The following PIGL variants were observed in gnomAD, a reference collection of about 807,000 sequenced individuals.
PIGL encodes the protein phosphatidylinositol glycan anchor biosynthesis class L.
Under a neutral mutation model 31.1 loss-of-function variants are expected in PIGL, and 22 were observed. The observed-to-expected ratio is 0.71, with a 90% CI of 0.51 to 1.01. PIGL has a LOEUF of 1.01. Ranked by LOEUF, PIGL falls within the 50% of genes least tolerant of loss-of-function variation. The pLI is 0.00. For synonymous variants in PIGL, 131 were observed against 117.4 expected (o/e 1.12, Z -0.75); for missense variants, 302 against 315.9 (o/e 0.96, Z 0.33).
rs189572029 is a variant in PIGL at position 16,234,068 on chromosome 17, C to T, written c.333C>T (p.Asn111=). 10 of 1,498,514 alleles carry T rather than the reference C, an allele frequency of 6.7e-6. No individual in the cohort carries two copies. The highest frequency in any genetic ancestry group is 2.3e-5 in the East Asian group (1 of 44,342). 92.8% of individuals were successfully genotyped at this position (1,498,514 alleles called of 1,614,324 possible). A position where few individuals can be genotyped will look rare whatever the true frequency, so the allele number is the denominator to read the frequency against. Reference sequence around the variant, plus strand: ...TCTCCAGTGTAATGATTATTGACAACAGGTAATATATCTTTTAACAATGTA... The same window carrying T: ...TCTCCAGTGTAATGATTATTGACAATAGGTAATATATCTTTTAACAATGTA... ...IPLSSVMIID[N]RDFPDDPGMQ... is the part of the protein sequence containing the mutation. Residue 111 remains asparagine (N), a splice_region_variant and synonymous_variant, in exon 2 of 7, where the codon AAC becomes AAT. Transcript: ENST00000225609.
rs376776272 is a variant in PIGL at position 16,217,233 on chromosome 17, G to A, written c.7G>A (p.Ala3Thr). Residue 3 changes from alanine (A) to threonine (T), a missense_variant, in exon 1 of 7, where the codon GCA becomes ACA. Ala to Thr is a moderately conservative substitution (Grantham distance 58). Transcript: ENST00000225609. ...TCAGTGCTGCTTACCCATCATGGAAGCAATGTGGCTCCTGTGTGTGGCGTT... is the reference window on the plus strand; with the variant it reads ...TCAGTGCTGCTTACCCATCATGGAAACAATGTGGCTCCTGTGTGTGGCGTT... ME[A>T]MWLLCVALAV... 4 of 1,613,872 alleles carry A rather than the reference G, an allele frequency of 2.5e-6. No homozygotes were observed. In the African/African-American group the frequency reaches 5.3e-5, roughly 22 times the overall value.
chr17:16,323,997 C>A (rs1226947949), intron 6 of PIGL, among the ~76,000 whole-genome samples: 10 of 152,010 alleles, frequency 6.6e-5, no homozygotes, highest in Admixed American at 4.6e-4. Context: ...GCTCTTGTTG[C>A]CCAGGCTGGA....
intron 6 of PIGL, among the ~76,000 whole-genome samples, chr17:16,323,917 C>G (rs1314207668): frequency 6.6e-6 from 1 of 151,670 alleles, no homozygotes; most frequent in African/African-American, 2.4e-5. Flanking sequence ...GTGCCCTGCC[C>G]AAAGCTGATA....
chr17:16,317,785 G>A lies in PIGL; in HGVS notation c.537G>A (p.Val179=). The part of the protein sequence containing the change: ...SEGKLPKGCS[V]LTLQSVNVLR... ...CTCCTCTCCATCCAGGGTGCTCTGTGCTCACGCTTCAGTCTGTGAATGTGC... is the reference window on the plus strand; with the variant it reads ...CTCCTCTCCATCCAGGGTGCTCTGTACTCACGCTTCAGTCTGTGAATGTGC... The change falls in exon 6 of 7, where the codon GTG becomes GTA. Residue 179 remains valine (V), a synonymous_variant. Transcript: ENST00000225609. 2 of 1,614,002 alleles carry A rather than the reference G, an allele frequency of 1.2e-6. No homozygotes were observed. Among genetic ancestry groups the A allele is most frequent in the Non-Finnish European group, 1.7e-6 (2 of 1,180,032 alleles).
intron 6 of PIGL, among the ~76,000 whole-genome samples, chr17:16,318,638 T>G (rs1039546888): frequency 3.2e-4 from 49 of 152,114 alleles, no homozygotes; most frequent in South Asian, 1.2e-3. Flanking sequence ...AGTGCCTATT[T>G]AAAACCAGCT....
chr17:16,319,231 A>AG (rs2093092331), intron 6 of PIGL, among the ~76,000 whole-genome samples: 1 of 150,972 alleles, frequency 6.6e-6, no homozygotes, highest in Non-Finnish European at 1.5e-5. Flanking sequence ...GCCAAAAAAA[A>AG]AAAAAAAAAA....
At chr17:16,254,534 C>T (rs1456688938) in intron 2 of PIGL, among the ~76,000 whole-genome samples, 1 of 152,128 alleles carries the variant, frequency 6.6e-6, no homozygotes, top group Non-Finnish European at 1.5e-5. Context: ...TCCCAAAGTA[C>T]TGGGATTACA....
intron 1 of PIGL, among the ~76,000 whole-genome samples, chr17:16,232,457 G>T (rs914066725): frequency 5.3e-5 from 8 of 152,092 alleles, no homozygotes; most frequent in African/African-American, 1.9e-4. Context: ...GTGCCTACAG[G>T]TTCACCAAAC....
At chr17:16,243,774 G>C (rs1256331349) in intron 2 of PIGL, among the ~76,000 whole-genome samples, 1 of 152,122 alleles carries the variant, frequency 6.6e-6, no homozygotes, top group Non-Finnish European at 1.5e-5. Flanking sequence ...CATTAATATT[G>C]TAACCGCCCA....
intron 2 of PIGL, among the ~76,000 whole-genome samples, chr17:16,277,460 A>G (rs1568817334): frequency 6.6e-6 from 1 of 152,168 alleles, no homozygotes; most frequent in African/African-American, 2.4e-5. Context: ...TCAAAAGAAA[A>G]ATTTCCTTGG....
chr17:16,280,420 A>C (rs1260997941), intron 2 of PIGL, among the ~76,000 whole-genome samples: 1 of 152,152 alleles, frequency 6.6e-6, no homozygotes, highest in Non-Finnish European at 1.5e-5. Flanking sequence ...CTTCTAATTT[A>C]ACTTGCTGTT....
At chr17:16,230,559 T>G (rs1393597010) in intron 1 of PIGL, among the ~76,000 whole-genome samples, 1 of 152,172 alleles carries the variant, frequency 6.6e-6, no homozygotes, top group Non-Finnish European at 1.5e-5. Flanking sequence ...GGAAAAACAT[T>G]GCAGCTATTC....
At chr17:16,245,033 C>T (rs909348282) in intron 2 of PIGL, among the ~76,000 whole-genome samples, 5 of 151,692 alleles carry the variant, frequency 3.3e-5, no homozygotes, top group Admixed American at 6.6e-5. Flanking sequence ...GCTCTTGTTG[C>T]CCAGGCTGGA....
intron 3 of PIGL, among the ~76,000 whole-genome samples, chr17:16,312,215 C>T (rs1241104651): frequency 2.9e-4 from 43 of 149,890 alleles, no homozygotes; most frequent in African/African-American, 1.0e-3. Flanking sequence ...GGGCGGCTGC[C>T]GGGCGGAGGG....
chr17:16,299,793 T>G, intron 2 of PIGL, 95 bp from the exon 3 acceptor site: 1 of 846,870 alleles, frequency 1.2e-6, no homozygotes, highest in African/African-American at 1.7e-5. Context: ...ACCCCCAATG[T>G]AACTATCATA....
intron 1 of PIGL, among the ~76,000 whole-genome samples, chr17:16,220,209 G>A (rs1217075209): frequency 6.6e-6 from 1 of 151,902 alleles, no homozygotes; most frequent in Non-Finnish European, 1.5e-5. Context: ...TTAGCTGGCT[G>A]TGGTGGTCCA....
intron 2 of PIGL, among the ~76,000 whole-genome samples, chr17:16,286,591 C>T (rs2142806000): frequency 6.6e-6 from 1 of 152,280 alleles, no homozygotes; most frequent in Non-Finnish European, 1.5e-5. Context: ...TGGCTTGTTT[C>T]CTGAACATTA....
intron 1 of PIGL, 21 bp from the exon 2 acceptor site, chr17:16,233,950 C>T (rs1182337582): frequency 2.9e-6 from 4 of 1,370,160 alleles, no homozygotes; most frequent in South Asian, 1.2e-5. Context: ...AAATCTACCA[C>T]TGTATATTTG....
chr17:16,228,936 A>G (rs1450541327), intron 1 of PIGL, among the ~76,000 whole-genome samples: 6 of 152,100 alleles, frequency 3.9e-5, no homozygotes, highest in Admixed American at 6.6e-5. Flanking sequence ...GCTAATTAGC[A>G]TACTGTTTTC....
Sources: allele counts gnomAD v4.1 joint callset (sites outside exome capture counted in the v4.1 genomes callset), GRCh38; gene constraint gnomAD v4.1.1; transcripts MANE v1.5; gene names NCBI Gene and HGNC (gene_info 2026-07-23, HGNC 2026-07-21).